The following ABTB3 variants were observed in gnomAD, a reference collection of about 807,000 sequenced individuals.
The protein encoded by ABTB3 is ankyrin repeat and BTB domain containing 3, also known as ankyrin repeat- and BTB/POZ domain-containing protein 3.
the ABTB3 span, among the ~76,000 whole-genome samples, chr12:107,400,820 G>T: frequency 6.6e-6 from 1 of 152,040 alleles, no homozygotes; most frequent in East Asian, 1.9e-4. Flanking sequence ...ATCTCCCTTC[G>T]CTGGTTTGTA....
chr12:107,453,617 T>G, the ABTB3 span, among the ~76,000 whole-genome samples: 1 of 152,252 alleles, frequency 6.6e-6, no homozygotes, highest in African/African-American at 2.4e-5. Flanking sequence ...GTCTATAGTA[T>G]TTTGTTATAT....
the ABTB3 span, among the ~76,000 whole-genome samples, chr12:107,369,392 GTTT>G: frequency 7.5e-4 from 101 of 134,898 alleles, no homozygotes; most frequent in Middle Eastern, 3.7e-3. Flanking sequence ...TCAAACAAGG[GTTT>G]TTTTTTTTTT....
At chr12:107,397,045 G>T in the ABTB3 span, among the ~76,000 whole-genome samples, 3 of 152,192 alleles carry the variant, frequency 2.0e-5, no homozygotes, top group Non-Finnish European at 4.4e-5. Flanking sequence ...ACGTGCGCTT[G>T]TATCAACCCC....
At chr12:107,346,193 G>C in the ABTB3 span, among the ~76,000 whole-genome samples, 2 of 152,300 alleles carry the variant, frequency 1.3e-5, no homozygotes, top group African/African-American at 4.8e-5. Flanking sequence ...TCTTTTGGGG[G>C]CTGCTGAAAT....
chr12:107,353,408 G>A, the ABTB3 span, among the ~76,000 whole-genome samples: 3 of 152,130 alleles, frequency 2.0e-5, no homozygotes, highest in African/African-American at 4.8e-5. Flanking sequence ...AGAGCACAGT[G>A]GATATTGACA....
chr12:107,383,256 T>C, the ABTB3 span, among the ~76,000 whole-genome samples: 1 of 152,224 alleles, frequency 6.6e-6, no homozygotes, highest in South Asian at 2.1e-4. Context: ...GCCCTGCAGG[T>C]ATGGCTGGCC....
At chr12:107,544,150 C>T in the ABTB3 span, 2 of 1,611,608 alleles carry the variant, frequency 1.2e-6, no homozygotes, top group South Asian at 2.2e-5. Context: ...GTAAGAACTG[C>T]CTTGCCTTGC....
chr12:107,573,537 G>A, the ABTB3 span, among the ~76,000 whole-genome samples: 7 of 151,974 alleles, frequency 4.6e-5, no homozygotes, highest in Non-Finnish European at 8.8e-5. Context: ...TGAGTGGACA[G>A]ATAGACAGAT....
the ABTB3 span, among the ~76,000 whole-genome samples, chr12:107,343,216 T>C: frequency 6.6e-6 from 1 of 152,082 alleles, no homozygotes; most frequent in Non-Finnish European, 1.5e-5. Context: ...GGTCTCCCTA[T>C]GTTGCCCAGG....
the ABTB3 span, among the ~76,000 whole-genome samples, chr12:107,327,158 T>G: frequency 6.6e-6 from 1 of 152,224 alleles, no homozygotes; most frequent in South Asian, 2.1e-4. Context: ...TTATAGATTT[T>G]GCAATGCAAT....
chr12:107,484,517 G>T, the ABTB3 span, among the ~76,000 whole-genome samples: 11 of 152,160 alleles, frequency 7.2e-5, no homozygotes, highest in African/African-American at 2.2e-4. Context: ...GTCCCTTGCA[G>T]GCATTGTAAG....
At chr12:107,641,415 T>C in the ABTB3 span, among the ~76,000 whole-genome samples, 1 of 152,216 alleles carries the variant, frequency 6.6e-6, no homozygotes, top group Non-Finnish European at 1.5e-5. Context: ...GCAACTCTTC[T>C]GTAAATCTAT....
the ABTB3 span, among the ~76,000 whole-genome samples, chr12:107,400,172 G>A: frequency 1.3e-5 from 2 of 152,176 alleles, no homozygotes; most frequent in African/African-American, 4.8e-5. Context: ...CCTTATAGTA[G>A]AATGATTTAT....
chr12:107,490,847 C>T, the ABTB3 span, among the ~76,000 whole-genome samples: 3 of 152,026 alleles, frequency 2.0e-5, no homozygotes, highest in African/African-American at 7.3e-5. Flanking sequence ...AGGCCTGGCT[C>T]AGAGCTTTTA....
the ABTB3 span, among the ~76,000 whole-genome samples, chr12:107,655,591 A>G: frequency 6.6e-6 from 1 of 152,228 alleles, no homozygotes; most frequent in East Asian, 1.9e-4. Flanking sequence ...TAACTCCAGG[A>G]AATACAGGCG....
the ABTB3 span, among the ~76,000 whole-genome samples, chr12:107,407,205 G>T: frequency 6.6e-6 from 1 of 152,286 alleles, no homozygotes; most frequent in East Asian, 1.9e-4. Flanking sequence ...GCTCACCAGG[G>T]TTTGGCAGGC....
chr12:107,640,292 T>C, the ABTB3 span: 20 of 1,432,166 alleles, frequency 1.4e-5, no homozygotes, highest in Non-Finnish European at 1.9e-5. Context: ...GCTACCTTTT[T>C]TTCCCTTTCC....
chr12:107,393,543 G>A, the ABTB3 span, among the ~76,000 whole-genome samples: 2 of 152,170 alleles, frequency 1.3e-5, no homozygotes, highest in Admixed American at 1.3e-4. Context: ...TGGGGGTGAT[G>A]TCACTCTATC....
At chr12:107,468,576 T>C in the ABTB3 span, among the ~76,000 whole-genome samples, 3 of 152,090 alleles carry the variant, frequency 2.0e-5, no homozygotes, top group East Asian at 5.8e-4. Context: ...GAGAACCATC[T>C]ATAAAGACGG....
Sources: gnomAD v4.1 joint callset for allele counts (sites outside exome capture counted in the v4.1 genomes callset) on GRCh38, gnomAD v4.1.1 for gene constraint, MANE v1.5 for transcripts, NCBI Gene and HGNC (gene_info 2026-07-23, HGNC 2026-07-21) for gene names.